The following LEKR1 variants were observed in gnomAD, a reference collection of about 807,000 sequenced individuals.
LEKR1 encodes the protein leucine, glutamate and lysine rich 1.
LEKR1 carries 59 observed loss-of-function variants against 72.4 expected under a neutral mutation model. That is an observed-to-expected ratio of 0.82 (90% CI 0.66 to 1.01). The LOEUF (loss-of-function observed/expected upper bound fraction) is 1.01. LEKR1 is among the 50% of genes least tolerant of loss of function. The probability of loss-of-function intolerance (pLI) is 0.00; values close to 1 mark genes in which losing one functional copy is unlikely to be tolerated. For missense variants in LEKR1, 728 were observed against 759.2 expected (o/e 0.96, Z 0.48); for synonymous variants, 257 against 263.2 (o/e 0.98, Z 0.23).
chr3:156,902,174 AT>A (rs139785632), intron 3 of LEKR1, among the ~76,000 whole-genome samples: 4,830 of 152,156 alleles, frequency 0.032, 116 homozygotes, highest in Non-Finnish European at 0.047. Flanking sequence ...TCAAACATGA[AT>A]TTTTTTATTG....
chr3:156,868,626 G>A (rs1181201779), intron 3 of LEKR1, among the ~76,000 whole-genome samples: 6 of 151,862 alleles, frequency 4.0e-5, no homozygotes, highest in Non-Finnish European at 7.4e-5. Context: ...ATCAAGTCAC[G>A]GTATTTGTGG....
chr3:157,029,140 T>G (rs1734416578), intron 12 of LEKR1, among the ~76,000 whole-genome samples: 1 of 152,162 alleles, frequency 6.6e-6, no homozygotes. Flanking sequence ...TGGTTTGGCA[T>G]CAGTAAAGGC....
chr3:156,899,597 T>G (rs1191459176), intron 3 of LEKR1, among the ~76,000 whole-genome samples: 1 of 144,992 alleles, frequency 6.9e-6, no homozygotes, highest in Non-Finnish European at 1.5e-5. Context: ...TATATATACA[T>G]ATACGTATAT....
At chr3:156,933,263 A>G (rs1725411770) in intron 5 of LEKR1, among the ~76,000 whole-genome samples, 1 of 152,190 alleles carries the variant, frequency 6.6e-6, no homozygotes, top group African/African-American at 2.4e-5. Context: ...CCATTATTTA[A>G]ACATTCATAT....
rs557921927 is a variant in LEKR1, at chr3:156,871,187, A to C, written c.263+18205A>C. Among the ~76,000 whole-genome samples, 125 of 151,074 alleles carry C rather than the reference A, an allele frequency of 8.3e-4. 1 individual carries two copies. Among genetic ancestry groups the C allele is most frequent in the Admixed American group, 2.3e-3 (35 of 15,146 alleles). ...TGTTCTCATTGTTCAATTCCCATCT[A>C]TGAGTGAGAATATGCGGTGTTTGGT... On this transcript the variant is annotated intron_variant, in intron 3 of 12. Coordinates refer to ENST00000356539, the MANE Select transcript of LEKR1 (RefSeq NM_001004316.3).
At chr3:157,012,239 C>A (rs1158868229) in intron 10 of LEKR1, among the ~76,000 whole-genome samples, 2 of 152,060 alleles carry the variant, frequency 1.3e-5, no homozygotes, top group Non-Finnish European at 1.5e-5. Flanking sequence ...ACACACTGAC[C>A]CAAAGCATTC....
At chr3:156,828,839 A>G (rs1483224947) in intron 1 of LEKR1, among the ~76,000 whole-genome samples, 1 of 152,086 alleles carries the variant, frequency 6.6e-6, no homozygotes, top group Non-Finnish European at 1.5e-5. Context: ...CTTTTTCTGT[A>G]TTTCATCATT....
intron 9 of LEKR1, among the ~76,000 whole-genome samples, chr3:156,999,373 C>A (rs1026710390): frequency 6.6e-6 from 1 of 152,124 alleles, no homozygotes; most frequent in Non-Finnish European, 1.5e-5. Flanking sequence ...CATTTTCTTT[C>A]TATCCCTCCT....
chr3:157,024,916 C>T lies in LEKR1; in HGVS notation c.1360C>T (p.Gln454Ter), dbSNP rs1264249570. Residue 454 changes from glutamine to a stop codon, truncating the protein, a stop_gained, in exon 11 of 13, where the codon CAA becomes TAA. Transcript: ENST00000356539. LOFTEE classifies it high-confidence loss of function. ...GTATAAGAAAGAACAAGAGGAACTA[C>T]AAATGAAGGTCTGTAATTATGATGT... The part of the protein sequence containing the change: ...QKYKKEQEEL[Q>*]MKISDLITGA... The T allele has an allele frequency of 3.2e-6, 5 of 1,576,130 alleles. No individual in the cohort carries two copies. Among genetic ancestry groups the T allele is most frequent in the Non-Finnish European group, 2.6e-6 (3 of 1,157,614 alleles).
At chr3:156,842,067 C>T (rs553321172) in intron 2 of LEKR1, among the ~76,000 whole-genome samples, 4 of 152,222 alleles carry the variant, frequency 2.6e-5, no homozygotes, top group South Asian at 2.1e-4. Flanking sequence ...CCTGATGATC[C>T]GAGGTGGAAC....
chr3:156,993,347 A>G lies in LEKR1; in HGVS notation c.1109+70A>G, dbSNP rs1468064657. The G allele has an allele frequency of 5.1e-6, 5 of 973,320 alleles. No homozygotes were observed. In the East Asian group the frequency reaches 1.2e-4, roughly 23 times the overall value. 60.3% of individuals were successfully genotyped at this position (973,320 alleles called of 1,614,324 possible). A position where few individuals can be genotyped will look rare whatever the true frequency, so the allele number is the denominator to read the frequency against. On this transcript the variant is annotated intron_variant, in intron 9 of 12. Transcript: ENST00000356539. ...TTAGTATTCCATATATATTTGCAAC[A>G]TCAGTGTCTGACATATTATAACAAT...
At chr3:156,869,446 A>G (rs1038639259) in intron 3 of LEKR1, among the ~76,000 whole-genome samples, 4 of 151,942 alleles carry the variant, frequency 2.6e-5, no homozygotes, top group African/African-American at 4.8e-5. Context: ...TTCCCTGGTG[A>G]TTAGTAGTGA....
chr3:156,884,864 C>T (rs1719883279), intron 3 of LEKR1, among the ~76,000 whole-genome samples: 1 of 152,130 alleles, frequency 6.6e-6, no homozygotes. Flanking sequence ...ATTATTTCCT[C>T]AAAGAAGTTT....
chr3:156,862,320 A>T (rs1716863782), intron 3 of LEKR1, among the ~76,000 whole-genome samples: 1 of 152,052 alleles, frequency 6.6e-6, no homozygotes. Flanking sequence ...GCTTAAAATT[A>T]GTTACTTATT....
At chr3:156,888,349 A>C (rs1290820123) in intron 3 of LEKR1, 1 of 702,270 alleles carries the variant, frequency 1.4e-6, no homozygotes, top group South Asian at 1.5e-5. Flanking sequence ...TTGCCAGCTG[A>C]AAGAACGAAT....
chr3:157,038,794 T>C (rs1735143689), intron 12 of LEKR1, among the ~76,000 whole-genome samples: 1 of 152,226 alleles, frequency 6.6e-6, no homozygotes, highest in Non-Finnish European at 1.5e-5. Flanking sequence ...CAGTATGTCC[T>C]CATAGATGTA....
intron 3 of LEKR1, among the ~76,000 whole-genome samples, chr3:156,879,749 G>C (rs1181875160): frequency 6.6e-6 from 1 of 152,158 alleles, no homozygotes; most frequent in Admixed American, 6.5e-5. Flanking sequence ...TAGGTACTTG[G>C]TGCCCTGTGT....
intron 3 of LEKR1, among the ~76,000 whole-genome samples, chr3:156,919,239 C>G (rs1011416422): frequency 6.6e-6 from 1 of 152,196 alleles, no homozygotes; most frequent in African/African-American, 2.4e-5. Flanking sequence ...CTTTTCCCCC[C>G]AGCAATTATG....
At chr3:156,982,572 G>A (rs962462843) in intron 7 of LEKR1, among the ~76,000 whole-genome samples, 11 of 152,084 alleles carry the variant, frequency 7.2e-5, no homozygotes, top group African/African-American at 2.7e-4. Flanking sequence ...ATAATAATTG[G>A]AACTCTGATG....
Sources: allele counts gnomAD v4.1 joint callset (sites outside exome capture counted in the v4.1 genomes callset), GRCh38; gene constraint gnomAD v4.1.1; transcripts MANE v1.5; gene names NCBI Gene and HGNC (gene_info 2026-07-23, HGNC 2026-07-21).